ZNF831: variants seen among roughly 807,000 people sequenced by gnomAD.
The protein encoded by ZNF831 is zinc finger protein 831, also known as chromosome 20 open reading frame 174.
ZNF831 carries 59 observed loss-of-function variants against 95.8 expected under a neutral mutation model. The ratio of observed to expected loss-of-function variants is 0.62; its 90% CI spans 0.50 to 0.77. ZNF831 has a LOEUF of 0.77. Ranked by LOEUF, ZNF831 falls within the 30% of genes least tolerant of loss-of-function variation. ZNF831 has a pLI of 0.00. For missense variants in ZNF831, 2,205 were observed against 2,164.0 expected, an observed-to-expected ratio of 1.02 and a Z score of -0.38; for synonymous variants, 961 against 925.5, an observed-to-expected ratio of 1.04 and a Z score of -0.70.
intron 1 of ZNF831, among the ~76,000 whole-genome samples, chr20:59,137,529 C>T (rs765272152): frequency 3.2e-4 from 49 of 152,196 alleles, no homozygotes; most frequent in Admixed American, 1.8e-3. Context: ...TCTGCATCAG[C>T]TCTCTGCCCC....
chr20:59,247,360 T>C (rs1042659092), intron 4 of ZNF831, among the ~76,000 whole-genome samples: 1 of 152,206 alleles, frequency 6.6e-6, no homozygotes, highest in Non-Finnish European at 1.5e-5. Flanking sequence ...ACTGAATTTC[T>C]CCCCCGTTGA....
chr20:59,193,246 G>A lies in ZNF831; in HGVS notation c.2227G>A (p.Gly743Ser), dbSNP rs1601372598. ...GGGTGGCAGAGACAGTCCCTGTTCA[G>A]GCAGTAGGAGCCCCCTGGTCTCTCC... ...ALGGRDSPCS[G>S]SRSPLVSPNG... Residue 743 changes from glycine (G) to serine (S), a missense_variant, in exon 2 of 6, where the codon GGC becomes AGC. Coordinates refer to ENST00000371030, the MANE Select transcript of ZNF831 (RefSeq NM_178457.3). The A allele has an allele frequency of 1.2e-6, 2 of 1,604,712 alleles. No individual in the cohort carries two copies.
At chr20:59,137,924 T>C (rs1326852556) in intron 1 of ZNF831, among the ~76,000 whole-genome samples, 1 of 152,174 alleles carries the variant, frequency 6.6e-6, no homozygotes, top group East Asian at 1.9e-4. Flanking sequence ...CAGAGAAAAT[T>C]GCTAAGTTCC....
intron 1 of ZNF831, among the ~76,000 whole-genome samples, chr20:59,171,156 G>C (rs61258511): frequency 6.6e-6 from 1 of 152,290 alleles, no homozygotes; most frequent in Non-Finnish European, 1.5e-5. Flanking sequence ...GTGGCTGGGA[G>C]GGGGAACTCC....
At chr20:59,140,578 A>G (rs1231359770) in intron 1 of ZNF831, among the ~76,000 whole-genome samples, 1 of 152,318 alleles carries the variant, frequency 6.6e-6, no homozygotes, top group East Asian at 1.9e-4. Context: ...GAGAGGTCCC[A>G]GGGACCTTTC....
At chr20:59,124,908 G>C (rs995920333) in intron 1 of ZNF831, among the ~76,000 whole-genome samples, 1 of 152,180 alleles carries the variant, frequency 6.6e-6, no homozygotes, top group South Asian at 2.1e-4. Context: ...CCCCGTGCAC[G>C]GGGTCAAGTC....
chr20:59,181,163 T>C (rs1433061266), intron 1 of ZNF831, among the ~76,000 whole-genome samples: 1 of 152,266 alleles, frequency 6.6e-6, no homozygotes, highest in African/African-American at 2.4e-5. Context: ...GTTGGCCGCA[T>C]AAATTGTTTT....
At chr20:59,172,109 G>A (rs1254087007) in intron 1 of ZNF831, among the ~76,000 whole-genome samples, 1 of 152,172 alleles carries the variant, frequency 6.6e-6, no homozygotes, top group Non-Finnish European at 1.5e-5. Context: ...AAAGGGCCGT[G>A]AGTCTCCATT....
At chr20:59,211,479 A>G (rs1985328519) in intron 4 of ZNF831, among the ~76,000 whole-genome samples, 1 of 152,242 alleles carries the variant, frequency 6.6e-6, no homozygotes, top group Admixed American at 6.5e-5. Context: ...GCTGGGGTTG[A>G]CAGATCATGA....
At chr20:59,139,171 G>A (rs898564266) in intron 1 of ZNF831, among the ~76,000 whole-genome samples, 10 of 152,072 alleles carry the variant, frequency 6.6e-5, no homozygotes, top group African/African-American at 1.7e-4. Context: ...GTTATTTTCT[G>A]CTTAGGCCTT....
At chr20:59,153,511 G>T (rs60955439) in intron 2 of ZNF831, among the ~76,000 whole-genome samples, 4 of 152,230 alleles carry the variant, frequency 2.6e-5, no homozygotes, top group African/African-American at 9.6e-5. Flanking sequence ...GCGCTTATTC[G>T]TGCTGGAAGC....
At chr20:59,177,636 C>T (rs543241627) in intron 1 of ZNF831, among the ~76,000 whole-genome samples, 1 of 152,264 alleles carries the variant, frequency 6.6e-6, no homozygotes, top group East Asian at 1.9e-4. Context: ...GGGATGCTCA[C>T]CTGGCCCATC....
At chr20:59,130,758 A>G (rs1979326071) in intron 1 of ZNF831, among the ~76,000 whole-genome samples, 1 of 152,014 alleles carries the variant, frequency 6.6e-6, no homozygotes. Context: ...TGTTTAATGG[A>G]TATTCTGAAT....
chr20:59,175,759 T>C (rs1982106629), intron 1 of ZNF831, among the ~76,000 whole-genome samples: 1 of 152,210 alleles, frequency 6.6e-6, no homozygotes, highest in Admixed American at 6.5e-5. Flanking sequence ...ATCTGTGCAT[T>C]GTCTTTTTCC....
chr20:59,172,116 C>T (rs1446635266), intron 1 of ZNF831, among the ~76,000 whole-genome samples: 1 of 152,146 alleles, frequency 6.6e-6, no homozygotes, highest in African/African-American at 2.4e-5. Flanking sequence ...CGTGAGTCTC[C>T]ATTTGATGAC....
intron 4 of ZNF831, among the ~76,000 whole-genome samples, chr20:59,230,938 C>T (rs993990150): frequency 7.9e-5 from 12 of 152,204 alleles, no homozygotes; most frequent in African/African-American, 2.7e-4. Context: ...TATGGAAGCT[C>T]CATTGTGTGC....
chr20:59,199,100 TATCTATC>T (rs1984342928), intron 3 of ZNF831, among the ~76,000 whole-genome samples: 1 of 132,530 alleles, frequency 7.5e-6, no homozygotes, highest in Non-Finnish European at 1.6e-5. Flanking sequence ...TCTATCTATC[TATCTATC>T]TATCTATCTA....
At chr20:59,160,924 T>A (rs777841169), upstream of ZNF831, 3 of 152,204 alleles carry the variant, frequency 2.0e-5, no homozygotes, top group Admixed American at 2.0e-4. Context: ...TGTTTGTTTG[T>A]TTCCTTCAGA....
chr20:59,190,851 G>A (rs1284236569), intron 1 of ZNF831, 133 bp from the exon 2 acceptor site: 2 of 719,076 alleles, frequency 2.8e-6, no homozygotes, highest in Non-Finnish European at 3.9e-6. Context: ...CTCTCGCTTG[G>A]GATGAGAGTA....
Sources: allele counts gnomAD v4.1 joint callset (sites outside exome capture counted in the v4.1 genomes callset), GRCh38; gene constraint gnomAD v4.1.1; transcripts MANE v1.5; gene names NCBI Gene and HGNC (gene_info 2026-07-23, HGNC 2026-07-21).